The following ZNRF1 variants were observed in gnomAD, a reference collection of about 807,000 sequenced individuals.
The protein encoded by ZNRF1 is E3 ubiquitin-protein ligase ZNRF1.
ZNRF1 carries 3 observed loss-of-function variants against 18.4 expected under a neutral mutation model. The observed-to-expected ratio is 0.16, with a 90% CI of 0.07 to 0.42. The LOEUF is 0.42. ZNRF1 is among the 10% of genes least tolerant of loss of function. ZNRF1 has a pLI of 0.99. For missense variants in ZNRF1, 310 were observed against 329.8 expected, an observed-to-expected ratio of 0.94 and a Z score of 0.47; for synonymous variants, 157 against 144.2, an observed-to-expected ratio of 1.09 and a Z score of -0.64.
At chr16:75,044,899 T>C (rs1304899215) in intron 1 of ZNRF1, among the ~76,000 whole-genome samples, 1 of 152,238 alleles carries the variant, frequency 6.6e-6, no homozygotes, top group Non-Finnish European at 1.5e-5. Flanking sequence ...AGTATGGTGC[T>C]CTGTCACCCA....
At chr16:75,071,258 C>T (rs570862068) in intron 1 of ZNRF1, among the ~76,000 whole-genome samples, 1 of 152,282 alleles carries the variant, frequency 6.6e-6, no homozygotes, top group Non-Finnish European at 1.5e-5. Context: ...CACCACCACA[C>T]CTGGCTAATT....
At chr16:75,021,071 G>A (rs893516917) in intron 1 of ZNRF1, among the ~76,000 whole-genome samples, 1 of 151,930 alleles carries the variant, frequency 6.6e-6, no homozygotes, top group Admixed American at 6.6e-5. Context: ...GTGGAGTTTT[G>A]CTTTTGTTGC....
At chr16:75,102,794 G>A (rs898704167) in intron 2 of ZNRF1, among the ~76,000 whole-genome samples, 16 of 152,120 alleles carry the variant, frequency 1.1e-4, no homozygotes, top group African/African-American at 2.2e-4. Context: ...CTCAGAATCC[G>A]TCCCTTCCTT....
chr16:75,010,965 TC>T lies in ZNRF1; in HGVS notation c.424+10873del, dbSNP rs534380345. On this transcript the variant is annotated intron_variant, in intron 1 of 4. Transcript: ENST00000335325. ...CTCAAGTGATCCGCCCACCTTGGCC[TC>T]CCAGAGTGCTGGGATTGCAGGCGTG... 7.2e-5 allele frequency among the ~76,000 whole-genome samples: 11 copies of T among 152,320 alleles called. No individual in the cohort carries two copies. In the East Asian group the frequency reaches 2.1e-3, roughly 29 times the overall value.
At chr16:75,073,252 A>G (rs962737994) in intron 1 of ZNRF1, among the ~76,000 whole-genome samples, 1 of 151,864 alleles carries the variant, frequency 6.6e-6, no homozygotes, top group Non-Finnish European at 1.5e-5. Flanking sequence ...AATTGAGGCA[A>G]GATTTTTTTT....
chr16:75,049,007 C>CT lies in ZNRF1; in HGVS notation c.425-44552dup, dbSNP rs531574563. 8.5e-3 allele frequency among the ~76,000 whole-genome samples: 1,227 copies of CT among 143,688 alleles called. 14 individuals are homozygous for CT. Among genetic ancestry groups the CT allele is most frequent in the African/African-American group, 0.023 (897 of 39,538 alleles). The allele number at this position is 143,688 out of a possible 152,430, so 94.3% of individuals were successfully genotyped here. A position where few individuals can be genotyped will look rare whatever the true frequency, so the allele number is the denominator to read the frequency against. ...TTTTATTTGCTGGAATTTGGAATCC[C>CT]TTTTTTTTTTTTTGAGATGGAGTCT... is the stretch of plus-strand genomic sequence containing the variant. On this transcript the variant is annotated intron_variant, in intron 1 of 4. Transcript: ENST00000335325.
intron 2 of ZNRF1, chr16:75,095,724 C>T: frequency 3.9e-6 from 6 of 1,544,006 alleles, no homozygotes; most frequent in Non-Finnish European, 5.3e-6. Flanking sequence ...CAGAGTTACC[C>T]CCACTGCCCT....
At chr16:75,088,789 G>A (rs1023501591) in intron 1 of ZNRF1, among the ~76,000 whole-genome samples, 4 of 152,196 alleles carry the variant, frequency 2.6e-5, no homozygotes, top group Admixed American at 2.6e-4. Context: ...GACATGTAAA[G>A]CACCATGGCT....
chr16:75,067,312 G>C (rs1422482076), intron 1 of ZNRF1, among the ~76,000 whole-genome samples: 1 of 152,176 alleles, frequency 6.6e-6, no homozygotes, highest in Non-Finnish European at 1.5e-5. Flanking sequence ...GTTGGTTGAG[G>C]CAGGTGGGAA....
chr16:75,053,641 A>T (rs1567479858), intron 1 of ZNRF1, among the ~76,000 whole-genome samples: 1 of 151,566 alleles, frequency 6.6e-6, no homozygotes, highest in African/African-American at 2.4e-5. Context: ...TGTCACTATC[A>T]GGGGCTATTT....
At chr16:75,008,545 C>G (rs1378350427) in intron 1 of ZNRF1, among the ~76,000 whole-genome samples, 1 of 152,128 alleles carries the variant, frequency 6.6e-6, no homozygotes. Context: ...GTTGGAAGAC[C>G]TGTTTTTCCT....
chr16:75,054,258 G>A lies in ZNRF1; in HGVS notation c.425-39314G>A, dbSNP rs115920080. Among the ~76,000 whole-genome samples the A allele has an allele frequency of 3.6e-3, 549 of 152,364 alleles. 2 individuals carry two copies. The highest frequency in any genetic ancestry group is 0.013 in the African/African-American group (526 of 41,594). On this transcript the variant is annotated intron_variant, in intron 1 of 4. Coordinates refer to ENST00000335325, the MANE Select transcript of ZNRF1 (RefSeq NM_032268.5). ...ACCAGAAGTGCAGTTCCTGGCTTCA[G>A]CCATTTTGCTTTGGAGAAGGAAAAT...
At chr16:75,092,637 A>G (rs1452273089) in intron 1 of ZNRF1, among the ~76,000 whole-genome samples, 1 of 152,238 alleles carries the variant, frequency 6.6e-6, no homozygotes, top group Non-Finnish European at 1.5e-5. Context: ...ACGGAGTTCA[A>G]CTCGAAAGAT....
At chr16:75,087,712 A>C (rs1475712612) in intron 1 of ZNRF1, among the ~76,000 whole-genome samples, 1 of 152,224 alleles carries the variant, frequency 6.6e-6, no homozygotes, top group Non-Finnish European at 1.5e-5. Flanking sequence ...AGAAAAGGAC[A>C]AGGAACCCGG....
chr16:75,105,726 C>A (rs1156587009), intron 3 of ZNRF1: 4 of 152,262 alleles, frequency 2.6e-5, no homozygotes, highest in Non-Finnish European at 5.9e-5. Context: ...AAAAGGAAAT[C>A]TTTGGCCCTC....
At chr16:75,009,416 G>A (rs1248105024) in intron 1 of ZNRF1, among the ~76,000 whole-genome samples, 1 of 152,174 alleles carries the variant, frequency 6.6e-6, no homozygotes, top group Non-Finnish European at 1.5e-5. Flanking sequence ...TTCACTTAGC[G>A]TAGTGTCCTC....
At chr16:75,024,819 G>A (rs188416296) in intron 1 of ZNRF1, among the ~76,000 whole-genome samples, 5 of 152,252 alleles carry the variant, frequency 3.3e-5, no homozygotes, top group East Asian at 1.9e-4. Flanking sequence ...TGCTTCTTTC[G>A]TGGTCACAAA....
chr16:75,055,210 T>A (rs557658703), intron 1 of ZNRF1, among the ~76,000 whole-genome samples: 1 of 152,262 alleles, frequency 6.6e-6, no homozygotes, highest in Non-Finnish European at 1.5e-5. Context: ...TTTAATGCTT[T>A]CTAAAGGAAC....
At chr16:75,007,281 C>G (rs1409617741) in intron 1 of ZNRF1, among the ~76,000 whole-genome samples, 1 of 151,878 alleles carries the variant, frequency 6.6e-6, no homozygotes, top group African/African-American at 2.4e-5. Context: ...TCTTAAACTC[C>G]TGGGCTCAAG....
Sources: gnomAD v4.1 joint callset for allele counts (sites outside exome capture counted in the v4.1 genomes callset) on GRCh38, gnomAD v4.1.1 for gene constraint, MANE v1.5 for transcripts, NCBI Gene and HGNC (gene_info 2026-07-23, HGNC 2026-07-21) for gene names.